MYOF: variants seen among roughly 807,000 people sequenced by gnomAD.
MYOF encodes fer-1-like 3, myoferlin.
MYOF carries 244 observed loss-of-function variants against 284.2 expected under a neutral mutation model. The ratio of observed to expected loss-of-function variants is 0.86; its 90% CI spans 0.77 to 0.95. The LOEUF (loss-of-function observed/expected upper bound fraction) is 0.95, where lower values mean the gene tolerates loss of function less well. Among genes scored for constraint, MYOF ranks in the 40% least tolerant of loss-of-function variants. The pLI is 0.00. For synonymous variants in MYOF, 904 were observed against 919.7 expected (o/e 0.98, Z 0.31); for missense variants, 2,496 against 2,560.6 (o/e 0.97, Z 0.54).
At chr10:93,403,739 A>G (rs1331140719) in intron 9 of MYOF, among the ~76,000 whole-genome samples, 1 of 152,154 alleles carries the variant, frequency 6.6e-6, no homozygotes, top group Non-Finnish European at 1.5e-5. Flanking sequence ...ACTTCTTGCC[A>G]TGGTCAACAC....
intron 16 of MYOF, 134 bp from the exon 17 acceptor site, chr10:93,393,089 G>T: frequency 1.4e-6 from 1 of 734,672 alleles, no homozygotes; most frequent in South Asian, 1.6e-5. Flanking sequence ...TCAGACCCAA[G>T]TCACATATGA....
intron 1 of MYOF, among the ~76,000 whole-genome samples, chr10:93,480,678 G>T (rs1379650236): frequency 6.6e-6 from 1 of 151,906 alleles, no homozygotes; most frequent in Non-Finnish European, 1.5e-5. Flanking sequence ...GTTTTGCCAT[G>T]TTGGCCTGGC....
chr10:93,377,858 A>T (rs1845908760), intron 21 of MYOF, among the ~76,000 whole-genome samples: 1 of 152,238 alleles, frequency 6.6e-6, no homozygotes, highest in South Asian at 2.1e-4. Flanking sequence ...AGAAAGTTAG[A>T]GACATAGAAA....
At chr10:93,312,998 C>T in intron 51 of MYOF, 22 bp downstream of exon 51, 1 of 1,579,136 alleles carries the variant, frequency 6.3e-7, no homozygotes, top group Non-Finnish European at 8.6e-7. Flanking sequence ...GATTTTCAAC[C>T]AGAACCAGGA....
rs147319006 is a variant in MYOF at position 93,333,995 on chromosome 10, G to T, written c.4564-82C>A. The stretch of plus-strand genomic sequence containing the variant: ...CCTGGGAAGTCCCCTCCTCCGCCAG[G>T]GGTGTGGGATTGAAGGATGGAAGGC... On this transcript the variant is annotated intron_variant, in intron 41 of 53. Coordinates refer to ENST00000359263, the MANE Select transcript of MYOF (RefSeq NM_013451.4). The T allele has an allele frequency of 1.0e-3, 1,439 of 1,430,168 alleles. 13 individuals are homozygous for T. The African/African-American group carries it at 0.018, about 18-fold the overall frequency. The allele number at this position is 1,430,168 out of a possible 1,614,324, so 88.6% of individuals were successfully genotyped here. A position where few individuals can be genotyped will look rare whatever the true frequency, so the allele number is the denominator to read the frequency against.
chr10:93,414,195 CTG>C (rs55806122), intron 5 of MYOF, among the ~76,000 whole-genome samples: 134,047 of 151,680 alleles, frequency 0.88, 60,233 homozygotes, highest in Non-Finnish European at 0.96. Context: ...GTCTCTGCCT[CTG>C]TGTGGTCACA....
At chr10:93,370,486 A>AT (rs77854129) in intron 24 of MYOF, among the ~76,000 whole-genome samples, 36,187 of 150,102 alleles carry the variant, frequency 0.24, 5,778 homozygotes, top group East Asian at 0.86. Flanking sequence ...TAATTTTTGT[A>AT]TTTTTTTTGT....
rs1361260114 is a variant in MYOF, at chr10:93,445,893, A to G, written c.236+6157T>C. Among the ~76,000 whole-genome samples, 3 of 152,218 alleles carry G rather than the reference A, an allele frequency of 2.0e-5. No homozygotes were observed. In the East Asian group the frequency reaches 5.8e-4, roughly 29 times the overall value. On this transcript the variant is annotated intron_variant, in intron 3 of 53. Transcript: ENST00000359263. ...CTTCAGGTGAGGGAAGCGGTCCCAC[A>G]CTGAGCAGTAAGCAGATCCTCAAAG...
rs189029630 is a variant in MYOF at position 93,456,049 on chromosome 10, T to C, written c.144+833A>G. Among the ~76,000 whole-genome samples the C allele has an allele frequency of 2.6e-3, 397 of 152,350 alleles. 1 individual carries two copies. The highest frequency in any genetic ancestry group is 4.7e-3 in the Non-Finnish European group (317 of 68,034). On this transcript the variant is annotated intron_variant, in intron 2 of 53. Coordinates refer to ENST00000359263, the MANE Select transcript of MYOF (RefSeq NM_013451.4). ...ACAGTGGGGGGAGGTAAATAAGTTA[T>C]ATGTCTTCAGTAGAATATTGCACAG...
chr10:93,427,207 CAAAACAAAACA>C (rs1303504971), intron 4 of MYOF, among the ~76,000 whole-genome samples: 1 of 134,458 alleles, frequency 7.4e-6, no homozygotes, highest in Non-Finnish European at 1.6e-5. Context: ...TAAAACAAAA[CAAAACAAAACA>C]AAAAAAAACA....
Position 93,313,097 on chromosome 10 carries a change from C to T in MYOF, c.5812G>A (p.Ala1938Thr), listed in dbSNP as rs373169973. 7.4e-6 allele frequency: 12 copies of T among 1,613,998 alleles called. No homozygotes were observed. The highest frequency in any genetic ancestry group is 9.3e-6 in the Non-Finnish European group (11 of 1,180,006). Reference protein sequence around the residue: ...KAMNPLKAKTASLFEQKSMKG... With the variant: ...KAMNPLKAKTTSLFEQKSMKG... ...ATGGACTTCTGCTCAAAGAGGGAGG[C>T]TGTCTTGGCTTTAAGGGGGTTCATG... is the stretch of plus-strand genomic sequence containing the variant. Residue 1938 changes from alanine to threonine, a missense_variant, in exon 51 of 54, where the codon GCC becomes ACC. Ala to Thr is a moderately conservative substitution (Grantham distance 58). This residue lies in a region of MYOF where 2,436 missense variants were observed against 2,480.7 expected (regional missense o/e 0.98). Transcript: ENST00000359263.
intron 1 of MYOF, among the ~76,000 whole-genome samples, chr10:93,478,834 A>AT (rs56922921): frequency 1.0e-5 from 1 of 98,116 alleles, no homozygotes; most frequent in Non-Finnish European, 2.2e-5. Context: ...TCAAAAAAAA[A>AT]AAAAAAAAAG....
At chr10:93,439,794 C>T (rs2056188359) in intron 3 of MYOF, among the ~76,000 whole-genome samples, 1 of 152,172 alleles carries the variant, frequency 6.6e-6, no homozygotes, top group South Asian at 2.1e-4. Context: ...AGACAGGGCT[C>T]CTGGCTAGTA....
intron 12 of MYOF, 95 bp downstream of exon 12, chr10:93,401,323 G>A (rs377186264): frequency 3.4e-5 from 51 of 1,497,862 alleles, no homozygotes; most frequent in Middle Eastern, 1.8e-4. Context: ...AAAAACATAC[G>A]ATAGGGACAC....
At chr10:93,353,984 T>C in intron 31 of MYOF, 96 bp from the exon 32 acceptor site, 3 of 953,752 alleles carry the variant, frequency 3.1e-6, no homozygotes, top group Non-Finnish European at 4.8e-6. Flanking sequence ...TTCTGATAAA[T>C]GGGTCACTTG....
intron 53 of MYOF, among the ~76,000 whole-genome samples, chr10:93,307,960 A>G (rs972188806): frequency 6.7e-6 from 1 of 149,014 alleles, no homozygotes; most frequent in Non-Finnish European, 1.5e-5. Flanking sequence ...AGAATTAACT[A>G]GACCGGGTGC....
In MYOF at chr10:93,431,454, G is replaced by T. The variant is rs537738799; in HGVS notation, c.299C>A (p.Pro100Gln). The change falls in exon 4 of 54, where the codon CCG (proline) becomes CAG (glutamine). Residue 100 changes from proline to glutamine, a missense_variant. This residue lies in a region of MYOF where 2,436 missense variants were observed against 2,480.7 expected (regional missense o/e 0.98). Transcript: ENST00000359263. Reference sequence around the variant, plus strand: ...ATTTAGCAGGGAGATCAGCTTGTACGGCAGGGATCTGCTCTGGTCACCAGT... The same window carrying T: ...ATTTAGCAGGGAGATCAGCTTGTACTGCAGGGATCTGCTCTGGTCACCAGT... Reference protein sequence around the residue: ...DLTGDQSRSLPYKLISLLNEK... With the variant: ...DLTGDQSRSLQYKLISLLNEK... The T allele has an allele frequency of 4.3e-6, 7 of 1,613,996 alleles. No homozygotes were observed. The highest frequency in any genetic ancestry group is 1.6e-4 in the Middle Eastern group (1 of 6,062).
intron 48 of MYOF, among the ~76,000 whole-genome samples, chr10:93,322,187 G>T (rs1002179008): frequency 6.6e-6 from 1 of 152,138 alleles, no homozygotes; most frequent in Non-Finnish European, 1.5e-5. Context: ...TTGATTGAAG[G>T]CCACATGGGA....
At chr10:93,389,673 A>G (rs1250197228) in intron 17 of MYOF, among the ~76,000 whole-genome samples, 1 of 152,246 alleles carries the variant, frequency 6.6e-6, no homozygotes, top group Non-Finnish European at 1.5e-5. Context: ...TTGTAAGACC[A>G]TGTGATATTC....
Sources: gnomAD v4.1 joint callset for allele counts (sites outside exome capture counted in the v4.1 genomes callset) on GRCh38, gnomAD v4.1.1 for gene constraint, gnomAD v4.1.1 regional missense constraint, MANE v1.5 for transcripts, NCBI Gene and HGNC (gene_info 2026-07-23, HGNC 2026-07-21) for gene names.